The following ARHGEF4 variants were observed in gnomAD, a reference collection of about 807,000 sequenced individuals.
ARHGEF4 encodes the protein APC-stimulated guanine nucleotide exchange factor 1.
A neutral mutation model predicts 162.0 loss-of-function variants in ARHGEF4; 119 were observed. That is an observed-to-expected ratio of 0.73 (90% confidence interval 0.63 to 0.86). The LOEUF (loss-of-function observed/expected upper bound fraction) is 0.86. Ranked by LOEUF, ARHGEF4 falls within the 40% of genes least tolerant of loss-of-function variation. ARHGEF4 has a pLI of 0.00. For synonymous variants in ARHGEF4, 1,014 were observed against 979.9 expected, an observed-to-expected ratio of 1.03 and a Z score of -0.65; for missense variants, 2,488 against 2,456.0, an observed-to-expected ratio of 1.01 and a Z score of -0.28.
intron 4 of ARHGEF4, among the ~76,000 whole-genome samples, chr2:130,958,553 G>C (rs990345107): frequency 3.9e-5 from 6 of 151,976 alleles, no homozygotes; most frequent in Non-Finnish European, 8.8e-5. Flanking sequence ...GGGATTACAG[G>C]TGTGTGCCAC....
At chr2:131,020,864 A>C (rs1395748239) in intron 4 of ARHGEF4, among the ~76,000 whole-genome samples, 2 of 152,058 alleles carry the variant, frequency 1.3e-5, no homozygotes, top group African/African-American at 4.8e-5. Context: ...TTGTTTCCTG[A>C]CTTTTTAATG....
chr2:131,035,272 C>G, intron 5 of ARHGEF4: 1 of 1,218,316 alleles, frequency 8.2e-7, no homozygotes, highest in Non-Finnish European at 1.0e-6. Flanking sequence ...AGCGGCCGCG[C>G]AGGGCGCCGC....
At chr2:130,951,490 C>T (rs762380901) in intron 4 of ARHGEF4, among the ~76,000 whole-genome samples, 6 of 152,112 alleles carry the variant, frequency 3.9e-5, no homozygotes, top group Non-Finnish European at 5.9e-5. Context: ...AATGGATGGT[C>T]GGTGGAGCAG....
intron 4 of ARHGEF4, among the ~76,000 whole-genome samples, chr2:130,989,634 G>A (rs1445856619): frequency 1.3e-5 from 2 of 152,206 alleles, no homozygotes; most frequent in Non-Finnish European, 2.9e-5. Context: ...TTAGCATACT[G>A]TATTTCCTTC....
rs376311066 is a variant in ARHGEF4 at position 130,926,014 on chromosome 2, C to CTTTCTTTCTTTCTTTCTTTCTT, written c.3553-4937_3553-4936insTTCTTTCTTTCTTTCTTTCTTT. ...TGATGCTCTATTTGTTTGGTTTTCTCTCTTTCTTTCTTTCTTTCTTTCTTT... is the reference window on the plus strand; with the variant it reads ...TGATGCTCTATTTGTTTGGTTTTCTCTTTCTTTCTTTCTTTCTTTCTTTCTTTCTTTCTTTCTTTCTTTCTTT... On this transcript the variant is annotated intron_variant, in intron 2 of 13. Transcript: ENST00000409359. 3.6e-3 allele frequency among the ~76,000 whole-genome samples: 353 copies of CTTTCTTTCTTTCTTTCTTTCTT among 97,178 alleles called. 21 individuals carry two copies. Among genetic ancestry groups the CTTTCTTTCTTTCTTTCTTTCTT allele is most frequent in the East Asian group, 6.1e-3 (21 of 3,460 alleles). The allele number at this position is 97,178 out of a possible 152,430, so 63.8% of individuals were successfully genotyped here.
intron 1 of ARHGEF4, among the ~76,000 whole-genome samples, chr2:130,884,508 A>G (rs1355812250): frequency 6.6e-6 from 1 of 152,116 alleles, no homozygotes; most frequent in Admixed American, 6.5e-5. Flanking sequence ...AATTACAATA[A>G]AAAGCTCTCA....
chr2:131,013,434 A>G (rs1558851096), intron 4 of ARHGEF4, among the ~76,000 whole-genome samples: 1 of 152,162 alleles, frequency 6.6e-6, no homozygotes, highest in Non-Finnish European at 1.5e-5. Flanking sequence ...TGATGCTTGG[A>G]TGGTTACTTC....
intron 1 of ARHGEF4, among the ~76,000 whole-genome samples, chr2:130,868,769 A>G (rs72855905): frequency 0.046 from 7,019 of 152,262 alleles, 241 homozygotes; most frequent in East Asian, 0.1. Context: ...TTACAGCTGA[A>G]GGACCGAAGC....
chr2:131,033,596 C>T (rs1403165966), intron 5 of ARHGEF4, among the ~76,000 whole-genome samples: 1 of 152,214 alleles, frequency 6.6e-6, no homozygotes, highest in Admixed American at 6.5e-5. Context: ...CGAAGCCACA[C>T]CCCATGAGAG....
Position 130,915,656 on chromosome 2 carries a change from AG to A in ARHGEF4, c.1711del (p.Ala571ProfsTer4). ...AIDTSKAAEE[A>X]MVLDPNYREQ... is the part of the protein sequence containing the mutation. Reference sequence around the variant, plus strand: ...TAGACACTTCAAAGGCAGCCGAAGAAGCCATGGTTCTAGACCCCAACTACAG... The same window carrying A: ...TAGACACTTCAAAGGCAGCCGAAGAACCATGGTTCTAGACCCCAACTACAG... On this transcript the variant is annotated frameshift_variant, in exon 2 of 14. Coordinates refer to ENST00000409359, the MANE Select transcript of ARHGEF4 (RefSeq NM_001367493.1). LOFTEE classifies it high-confidence loss of function. 1 of 1,550,432 alleles carries A rather than the reference AG, an allele frequency of 6.4e-7. No homozygotes were observed. Among genetic ancestry groups the A allele is most frequent in the Non-Finnish European group, 8.7e-7 (1 of 1,146,982 alleles).
At chr2:130,931,741 A>T (rs1682646635) in intron 3 of ARHGEF4, among the ~76,000 whole-genome samples, 1 of 152,234 alleles carries the variant, frequency 6.6e-6, no homozygotes, top group Non-Finnish European at 1.5e-5. Flanking sequence ...TTTGCATGAA[A>T]CCGACAGCCT....
chr2:130,917,556 G>A (rs1681580220), intron 2 of ARHGEF4, 58 bp downstream of exon 2: 2 of 1,480,788 alleles, frequency 1.4e-6, no homozygotes, highest in Admixed American at 5.0e-5. Context: ...AGAAGGAGGG[G>A]AGCAGGCGGG....
At chr2:130,925,907 T>C (rs1194602353) in intron 2 of ARHGEF4, among the ~76,000 whole-genome samples, 1 of 152,158 alleles carries the variant, frequency 6.6e-6, no homozygotes, top group Non-Finnish European at 1.5e-5. Context: ...TAAATACTTT[T>C]TCACCCCAAC....
At chr2:131,010,196 C>T (rs1688355430) in intron 4 of ARHGEF4, among the ~76,000 whole-genome samples, 1 of 152,168 alleles carries the variant, frequency 6.6e-6, no homozygotes, top group Non-Finnish European at 1.5e-5. Flanking sequence ...CTTCTAAGAT[C>T]ACCTTAAAAT....
chr2:131,024,630 G>A (rs144346142), intron 4 of ARHGEF4, among the ~76,000 whole-genome samples: 1 of 152,268 alleles, frequency 6.6e-6, no homozygotes, highest in African/African-American at 2.4e-5. Context: ...GACAACTTTT[G>A]GTGGATTGCA....
chr2:130,965,956 G>A (rs1345456129), intron 4 of ARHGEF4, among the ~76,000 whole-genome samples: 3 of 152,140 alleles, frequency 2.0e-5, no homozygotes, highest in East Asian at 3.9e-4. Context: ...AGGGCTGCCC[G>A]GCAATGGCAG....
At chr2:130,907,823 GCAT>G (rs1680926640) in intron 1 of ARHGEF4, among the ~76,000 whole-genome samples, 1 of 151,824 alleles carries the variant, frequency 6.6e-6, no homozygotes, top group Admixed American at 6.6e-5. Flanking sequence ...AGGCGTGGTG[GCAT>G]GCACCTATAG....
intron 4 of ARHGEF4, chr2:131,011,665 G>A (rs1405479022): frequency 6.5e-7 from 1 of 1,535,304 alleles, no homozygotes; most frequent in East Asian, 2.4e-5. Flanking sequence ...GAGCCCATCG[G>A]AGCTGATGGG....
At chr2:130,882,135 T>C (rs1679234170) in intron 1 of ARHGEF4, among the ~76,000 whole-genome samples, 1 of 152,090 alleles carries the variant, frequency 6.6e-6, no homozygotes, top group African/African-American at 2.4e-5. Flanking sequence ...TATTCTCAGC[T>C]CCTTTCACAA....
Sources: gnomAD v4.1 joint callset for allele counts (sites outside exome capture counted in the v4.1 genomes callset) on GRCh38, gnomAD v4.1.1 for gene constraint, MANE v1.5 for transcripts, NCBI Gene and HGNC (gene_info 2026-07-23, HGNC 2026-07-21) for gene names.